Variants in FBXO34 observed in about 807,000 individuals in gnomAD.
The protein encoded by FBXO34 is F-box only protein 34.
Under a neutral mutation model 24.5 loss-of-function variants are expected in FBXO34, and 12 were observed. The ratio of observed to expected loss-of-function variants is 0.49; its 90% CI spans 0.31 to 0.79. The LOEUF (loss-of-function observed/expected upper bound fraction) is 0.79, where lower values mean the gene tolerates loss of function less well. Among genes scored for constraint, FBXO34 ranks in the 30% least tolerant of loss-of-function variants. FBXO34 has a pLI of 0.04. For missense variants in FBXO34, 823 were observed against 857.7 expected (o/e 0.96, Z 0.51); for synonymous variants, 320 against 311.9 (o/e 1.03, Z -0.27).
intron 1 of FBXO34, among the ~76,000 whole-genome samples, chr14:55,348,633 C>T (rs1182537893): frequency 2.6e-5 from 4 of 152,088 alleles, no homozygotes; most frequent in South Asian, 2.1e-4. Flanking sequence ...CCTCCCAAAG[C>T]ACTGGGATTA....
chr14:55,284,510 C>T (rs1881686186), intron 1 of FBXO34, among the ~76,000 whole-genome samples: 1 of 108,390 alleles, frequency 9.2e-6, no homozygotes, highest in African/African-American at 3.5e-5. Flanking sequence ...GAACCTCTGT[C>T]TCCAAAAAAA....
At chr14:55,376,120 G>A in the FBXO34 span, among the ~76,000 whole-genome samples, 1 of 152,180 alleles carries the variant, frequency 6.6e-6, no homozygotes, top group Admixed American at 6.5e-5. Context: ...TCAGCCAGGT[G>A]TGCACTGAGA....
chr14:55,387,408 G>T, the FBXO34 span, among the ~76,000 whole-genome samples: 1 of 152,098 alleles, frequency 6.6e-6, no homozygotes, highest in Admixed American at 6.5e-5. Context: ...CTAAATGTTT[G>T]AATTTTACTC....
In FBXO34 at chr14:55,352,618, A is replaced by C; in HGVS notation, c.*92A>C. The C allele has an allele frequency of 9.7e-7, 1 of 1,029,934 alleles. No homozygotes were observed. The highest frequency in any genetic ancestry group is 1.4e-6 in the Non-Finnish European group (1 of 715,280). 63.8% of individuals were successfully genotyped at this position (1,029,934 alleles called of 1,614,324 possible). A position where few individuals can be genotyped will look rare whatever the true frequency, so the allele number is the denominator to read the frequency against. Reference sequence around the variant, plus strand: ...AATGAGCGTAGCCCCCTGAGTCATCACTCTAGAAGAATCTGTACATCATCA... The same window carrying C: ...AATGAGCGTAGCCCCCTGAGTCATCCCTCTAGAAGAATCTGTACATCATCA... On this transcript the variant is annotated 3_prime_UTR_variant, in exon 2 of 2. Coordinates refer to ENST00000313833, the MANE Select transcript of FBXO34 (RefSeq NM_017943.4).
At chr14:55,347,643 TCACCTC>T (rs1884202447) in intron 1 of FBXO34, among the ~76,000 whole-genome samples, 2 of 152,216 alleles carry the variant, frequency 1.3e-5, no homozygotes, top group South Asian at 4.1e-4. Context: ...TTCCCTGGGA[TCACCTC>T]CTATTTTAAT....
the FBXO34 span, among the ~76,000 whole-genome samples, chr14:55,399,545 T>C: frequency 1.3e-5 from 2 of 152,336 alleles, no homozygotes; most frequent in South Asian, 2.1e-4. Flanking sequence ...CAAGGCATCC[T>C]CCAGAATACT....
intron 1 of FBXO34, among the ~76,000 whole-genome samples, chr14:55,287,423 A>C (rs961203303): frequency 6.6e-6 from 1 of 152,300 alleles, no homozygotes; most frequent in East Asian, 1.9e-4. Flanking sequence ...TTATTCACAC[A>C]TAAGTATAAG....
chr14:55,372,178 C>T (rs1025634448), downstream of FBXO34, among the ~76,000 whole-genome samples: 4 of 152,054 alleles, frequency 2.6e-5, no homozygotes, highest in South Asian at 2.1e-4. Context: ...GGACTCCTCC[C>T]CTCCCACCTC....
chr14:55,434,583 G>A, the FBXO34 span, among the ~76,000 whole-genome samples: 1 of 151,730 alleles, frequency 6.6e-6, no homozygotes, highest in Admixed American at 6.6e-5. Context: ...TGAGAGGTGT[G>A]CTGAGGATGG....
chr14:55,351,750 T>C lies in FBXO34; in HGVS notation c.1360T>C (p.Leu454=). 2 of 1,614,216 alleles carry C rather than the reference T, an allele frequency of 1.2e-6. No homozygotes were observed. The highest frequency in any genetic ancestry group is 1.7e-6 in the Non-Finnish European group (2 of 1,180,042). The part of the protein sequence containing the change: ...SRNPDQRKES[L]CISITVSKVD... ...AAATCCTGATCAAAGAAAAGAATCTTTGTGCATTAGTATCACTGTGTCCAA... is the reference window on the plus strand; with the variant it reads ...AAATCCTGATCAAAGAAAAGAATCTCTGTGCATTAGTATCACTGTGTCCAA... The change falls in exon 2 of 2, where the codon TTG becomes CTG. Residue 454 remains leucine (L), a synonymous_variant. Transcript: ENST00000313833.
chr14:55,400,790 G>A, the FBXO34 span, among the ~76,000 whole-genome samples: 2 of 152,182 alleles, frequency 1.3e-5, no homozygotes, highest in East Asian at 1.9e-4. Flanking sequence ...TGTAATCCCA[G>A]CTACTTGGGA....
the FBXO34 span, chr14:55,411,881 G>A: frequency 6.8e-7 from 1 of 1,473,462 alleles, no homozygotes; most frequent in Non-Finnish European, 9.2e-7. Flanking sequence ...GTGCATTCTG[G>A]GCCAGGAGGA....
chr14:55,321,410 C>CTTT (rs371710800), intron 1 of FBXO34, among the ~76,000 whole-genome samples: 1 of 144,092 alleles, frequency 6.9e-6, no homozygotes, highest in Non-Finnish European at 1.5e-5. Flanking sequence ...TGCAATGTTT[C>CTTT]TTTTTTTTTT....
chr14:55,351,386 C>G lies in FBXO34; in HGVS notation c.996C>G (p.Val332=). The G allele has an allele frequency of 6.2e-7, 1 of 1,614,206 alleles. No individual in the cohort carries two copies. Among genetic ancestry groups the G allele is most frequent in the Non-Finnish European group, 8.5e-7 (1 of 1,180,038 alleles). Reference sequence around the variant, plus strand: ...ATGAAGGCAAAACAAAGAAAGGCGTCTTGGAGGCACCTGACACTCAGGTGA... The same window carrying G: ...ATGAAGGCAAAACAAAGAAAGGCGTGTTGGAGGCACCTGACACTCAGGTGA... ...QADEGKTKKG[V]LEAPDTQVNP... is the part of the protein sequence containing the mutation. Residue 332 remains valine (V), a synonymous_variant, in exon 2 of 2, where the codon GTC becomes GTG. Coordinates refer to ENST00000313833, the MANE Select transcript of FBXO34 (RefSeq NM_017943.4).
chr14:55,323,206 A>ATATATATAT (rs1883211955), intron 1 of FBXO34, among the ~76,000 whole-genome samples: 1 of 40,080 alleles, frequency 2.5e-5, no homozygotes, highest in African/African-American at 3.1e-4. Context: ...AAAAAAAAAA[A>ATATATATAT]AAAAAAAAAA....
chr14:55,310,738 A>G (rs1047411297), intron 1 of FBXO34, among the ~76,000 whole-genome samples: 40 of 152,288 alleles, frequency 2.6e-4, no homozygotes, highest in Admixed American at 9.8e-4. Flanking sequence ...AAGTGAAAAC[A>G]TGTGTATCTG....
At chr14:55,429,785 A>G in the FBXO34 span, among the ~76,000 whole-genome samples, 4 of 151,236 alleles carry the variant, frequency 2.6e-5, no homozygotes, top group East Asian at 3.9e-4. Flanking sequence ...AAAAAAAAAA[A>G]AAAAGAAAAC....
chr14:55,277,071 A>T (rs1388816231), intron 1 of FBXO34, among the ~76,000 whole-genome samples: 1 of 152,258 alleles, frequency 6.6e-6, no homozygotes, highest in Non-Finnish European at 1.5e-5. Context: ...GAACAAGTTC[A>T]TACATCTGTG....
At chr14:55,442,251 T>C in the FBXO34 span, among the ~76,000 whole-genome samples, 2 of 151,458 alleles carry the variant, frequency 1.3e-5, no homozygotes, top group African/African-American at 2.4e-5. Flanking sequence ...TAGCTGGGCA[T>C]GGTAGTGTGC....
Sources: allele counts gnomAD v4.1 joint callset (sites outside exome capture counted in the v4.1 genomes callset), GRCh38; gene constraint gnomAD v4.1.1; transcripts MANE v1.5; gene names NCBI Gene and HGNC (gene_info 2026-07-23, HGNC 2026-07-21).